The following LMBR1 variants were observed in gnomAD, a reference collection of about 807,000 sequenced individuals.
LMBR1 encodes the protein limb region 1 protein homolog.
LMBR1 carries 52 observed loss-of-function variants against 73.9 expected under a neutral mutation model. The ratio of observed to expected loss-of-function variants is 0.70; its 90% CI spans 0.56 to 0.89. LMBR1 has a LOEUF of 0.89. Among genes scored for constraint, LMBR1 ranks in the 40% least tolerant of loss-of-function variants. The pLI, the probability that LMBR1 is intolerant of heterozygous loss-of-function variation, is 0.00. For synonymous variants in LMBR1, 215 were observed against 209.4 expected (o/e 1.03, Z -0.23); for missense variants, 539 against 579.8 (o/e 0.93, Z 0.72).
chr7:156,730,595 C>T (rs925329133), intron 10 of LMBR1, among the ~76,000 whole-genome samples: 2 of 152,112 alleles, frequency 1.3e-5, no homozygotes, highest in African/African-American at 4.8e-5. Context: ...TGCAGAGTTT[C>T]TATAGTTTTG....
At chr7:156,676,220 C>T (rs189668736), downstream of LMBR1, 520 of 1,497,896 alleles carry the variant, frequency 3.5e-4, 1 homozygote, top group Middle Eastern at 8.7e-4. Flanking sequence ...CCACAGTTCC[C>T]AGGAGTAACA....
intron 15 of LMBR1, among the ~76,000 whole-genome samples, chr7:156,710,803 T>C (rs558622990): frequency 6.6e-6 from 1 of 152,082 alleles, no homozygotes; most frequent in Non-Finnish European, 1.5e-5. Flanking sequence ...GGAAAATCTA[T>C]CAGATTAACC....
intron 15 of LMBR1, among the ~76,000 whole-genome samples, chr7:156,716,845 G>A (rs372473457): frequency 1.8e-4 from 27 of 152,220 alleles, no homozygotes; most frequent in African/African-American, 6.3e-4. Context: ...GAGGCCAGGT[G>A]CGGTGGTTCA....
chr7:156,687,698 A>G (rs1479039215), intron 16 of LMBR1, among the ~76,000 whole-genome samples: 1 of 152,232 alleles, frequency 6.6e-6, no homozygotes, highest in Non-Finnish European at 1.5e-5. Flanking sequence ...ACACCGTATC[A>G]TCCTCACCAC....
intron 4 of LMBR1, among the ~76,000 whole-genome samples, chr7:156,809,392 A>T (rs966562072): frequency 2.6e-5 from 4 of 152,078 alleles, no homozygotes; most frequent in African/African-American, 9.7e-5. Flanking sequence ...TGGTTCCAAG[A>T]CCTCCCATAG....
intron 1 of LMBR1, among the ~76,000 whole-genome samples, chr7:156,859,834 T>C (rs905617927): frequency 6.6e-6 from 1 of 152,098 alleles, no homozygotes; most frequent in Non-Finnish European, 1.5e-5. Context: ...AGACCTAGAA[T>C]AGGTGACACA....
At chr7:156,789,066 A>C (rs925164333) in intron 5 of LMBR1, among the ~76,000 whole-genome samples, 7 of 152,096 alleles carry the variant, frequency 4.6e-5, no homozygotes, top group African/African-American at 1.2e-4. Context: ...ATAAATAAAT[A>C]AATCTAGCAT....
At chr7:156,749,274 C>A (rs1187634996) in intron 9 of LMBR1, among the ~76,000 whole-genome samples, 1 of 141,420 alleles carries the variant, frequency 7.1e-6, no homozygotes, top group Non-Finnish European at 1.5e-5. Flanking sequence ...CATGAGCTTC[C>A]ATATATCAAG....
chr7:156,766,568 G>T (rs1266423908), intron 5 of LMBR1, among the ~76,000 whole-genome samples: 1 of 152,114 alleles, frequency 6.6e-6, no homozygotes, highest in East Asian at 1.9e-4. Context: ...GACGGTTTTT[G>T]GCAACAAGGA....
At chr7:156,879,859 G>T (rs983710451) in intron 1 of LMBR1, among the ~76,000 whole-genome samples, 1 of 152,082 alleles carries the variant, frequency 6.6e-6, no homozygotes, top group East Asian at 1.9e-4. Flanking sequence ...AATAGATGTT[G>T]GTATGGATGC....
intron 16 of LMBR1, among the ~76,000 whole-genome samples, 158 bp downstream of exon 16, chr7:156,687,872 G>A (rs1806304055): frequency 6.6e-6 from 1 of 152,192 alleles, no homozygotes; most frequent in Admixed American, 6.5e-5. Context: ...GGAAGCTAAG[G>A]CTTAATGAAG....
At position 156,771,339 on chromosome 7, in the gene LMBR1, AATAAAG is replaced by A. The variant is rs1387527904; in HGVS notation, c.424-7550_424-7545del. On this transcript the variant is annotated intron_variant, in intron 5 of 16. Coordinates refer to ENST00000353442, the MANE Select transcript of LMBR1 (RefSeq NM_022458.4). ...AGGTAGATAGACTGCTAGCTAGACT[AATAAAG>A]ATAAAAAGAAGATCCAAATAATCAC... is the stretch of plus-strand genomic sequence containing the variant. 1.6e-4 allele frequency among the ~76,000 whole-genome samples: 25 copies of A among 152,180 alleles called. 1 individual carries two copies. The highest frequency in any genetic ancestry group is 1.6e-3 in the Admixed American group (25 of 15,278).
intron 1 of LMBR1, among the ~76,000 whole-genome samples, chr7:156,866,037 T>C (rs987035686): frequency 2.0e-5 from 3 of 151,446 alleles, no homozygotes; most frequent in African/African-American, 7.3e-5. Context: ...CAAGGTCTTC[T>C]TGCATATGAC....
intron 1 of LMBR1, 148 bp downstream of exon 1, chr7:156,892,780 G>T (rs1369371456): frequency 6.8e-6 from 3 of 439,132 alleles, no homozygotes; most frequent in Non-Finnish European, 1.2e-5. Context: ...GGAGAGGAGG[G>T]GTGGGGAGGG....
chr7:156,835,906 T>TC (rs1390507571), intron 2 of LMBR1, among the ~76,000 whole-genome samples: 2 of 152,204 alleles, frequency 1.3e-5, no homozygotes, highest in Non-Finnish European at 2.9e-5. Flanking sequence ...TTATATACAT[T>TC]CATTCTTTCT....
downstream of LMBR1, chr7:156,675,880 GC>G: frequency 6.2e-7 from 1 of 1,608,178 alleles, no homozygotes; most frequent in Non-Finnish European, 8.5e-7. Flanking sequence ...TTGGCTGGCA[GC>G]CTGGCAACCA....
At chr7:156,725,681 G>T in intron 13 of LMBR1, 83 bp downstream of exon 13, 1 of 1,341,006 alleles carries the variant, frequency 7.5e-7, no homozygotes, top group Non-Finnish European at 1.1e-6. Context: ...TTCTAGACAA[G>T]TGTCTTAGTA....
intron 5 of LMBR1, among the ~76,000 whole-genome samples, chr7:156,786,292 GA>G (rs1404245200): frequency 1.3e-5 from 2 of 150,998 alleles, no homozygotes; most frequent in African/African-American, 4.9e-5. Context: ...AGGAAGGAGG[GA>G]GGGGAAAAAA....
chr7:156,840,683 G>A (rs1586159266), intron 1 of LMBR1, among the ~76,000 whole-genome samples: 1 of 151,832 alleles, frequency 6.6e-6, no homozygotes, highest in Non-Finnish European at 1.5e-5. Context: ...CTGGAGGCCG[G>A]GCGCGGTGGC....
Sources: gnomAD v4.1 joint callset for allele counts (sites outside exome capture counted in the v4.1 genomes callset) on GRCh38, gnomAD v4.1.1 for gene constraint, MANE v1.5 for transcripts, NCBI Gene and HGNC (gene_info 2026-07-23, HGNC 2026-07-21) for gene names.